The following XIRP2 variants were observed in gnomAD, a reference collection of about 807,000 sequenced individuals.
The protein encoded by XIRP2 is xin actin binding repeat containing 2.
In XIRP2, 236 loss-of-function variants were observed where a neutral mutation model predicts 277.0. That is an observed-to-expected ratio of 0.85 (90% CI 0.77 to 0.95). The LOEUF is 0.95. XIRP2 is among the 40% of genes least tolerant of loss of function. The pLI is 0.00. For missense variants in XIRP2, 4,640 were observed against 4,157.5 expected (o/e 1.12, Z -3.19); for synonymous variants, 1,490 against 1,416.5 (o/e 1.05, Z -1.17).
At chr2:166,937,188 C>T (rs1309190073) in intron 2 of XIRP2, among the ~76,000 whole-genome samples, 1 of 152,178 alleles carries the variant, frequency 6.6e-6, no homozygotes, top group East Asian at 1.9e-4. Flanking sequence ...GGGAATGCTT[C>T]CAGTTTTTTC....
intron 2 of XIRP2, among the ~76,000 whole-genome samples, chr2:166,977,323 G>A (rs544305781): frequency 2.0e-5 from 3 of 151,992 alleles, no homozygotes; most frequent in East Asian, 1.9e-4. Flanking sequence ...ACCCATTCTC[G>A]CAGTCAGCAT....
At chr2:166,973,212 G>A (rs758831035) in intron 2 of XIRP2, among the ~76,000 whole-genome samples, 32 of 152,194 alleles carry the variant, frequency 2.1e-4, no homozygotes, top group Non-Finnish European at 4.0e-4. Flanking sequence ...GGATTTTAAG[G>A]AAGAAATATT....
intron 2 of XIRP2, among the ~76,000 whole-genome samples, chr2:166,910,170 T>G (rs1313558156): frequency 6.6e-6 from 1 of 152,210 alleles, no homozygotes; most frequent in Non-Finnish European, 1.5e-5. Context: ...TTGATTGGAA[T>G]AGTTTCAGAA....
intron 2 of XIRP2, among the ~76,000 whole-genome samples, chr2:167,134,223 G>A (rs115256321): frequency 0.015 from 2,203 of 150,578 alleles, 57 homozygotes; most frequent in African/African-American, 0.051. Context: ...GTATATTCAT[G>A]TGTATATGTA....
At chr2:167,034,526 G>C (rs1688457489) in intron 2 of XIRP2, among the ~76,000 whole-genome samples, 1 of 151,314 alleles carries the variant, frequency 6.6e-6, no homozygotes, top group African/African-American at 2.4e-5. Context: ...AAGACCCAGT[G>C]ATTTGTTGCC....
At chr2:167,144,544 G>GT (rs1691812663) in intron 3 of XIRP2, among the ~76,000 whole-genome samples, 1 of 151,646 alleles carries the variant, frequency 6.6e-6, no homozygotes, top group African/African-American at 2.4e-5. Context: ...TCTGTTAATT[G>GT]TTTTGTTTAA....
Position 167,248,369 on chromosome 2 carries a change from T to G in XIRP2, c.6977T>G (p.Leu2326Arg), listed in dbSNP as rs1317090857. ...LMMFPEKNGF[L>R]PSLSTEKIKA... ...ATGTTTCCTGAAAAAAATGGGTTTCTTCCCTCACTGTCCACAGAGAAGATA... is the reference window on the plus strand; with the variant it reads ...ATGTTTCCTGAAAAAAATGGGTTTCGTCCCTCACTGTCCACAGAGAAGATA... The change falls in exon 9 of 11, where the codon CTT (leucine) becomes CGT (arginine). Residue 2326 changes from leucine (L) to arginine (R), a missense_variant. Transcript: ENST00000409195. 6.2e-7 allele frequency: 1 copy of G among 1,613,736 alleles called. No homozygotes were observed. The highest frequency in any genetic ancestry group is 8.5e-7 in the Non-Finnish European group (1 of 1,179,806).
intron 2 of XIRP2, among the ~76,000 whole-genome samples, chr2:167,084,551 G>A (rs1466467107): frequency 6.6e-6 from 1 of 151,646 alleles, no homozygotes; most frequent in East Asian, 1.9e-4. Flanking sequence ...GTAGAATTCG[G>A]CTGTGAATCC....
chr2:167,228,784 G>A (rs973164156), intron 5 of XIRP2, among the ~76,000 whole-genome samples: 1 of 152,036 alleles, frequency 6.6e-6, no homozygotes, highest in Non-Finnish European at 1.5e-5. Flanking sequence ...TCCAAAATAG[G>A]ATTTGTAGGA....
intron 2 of XIRP2, among the ~76,000 whole-genome samples, chr2:167,063,994 T>C (rs1171828234): frequency 6.6e-6 from 1 of 151,774 alleles, no homozygotes; most frequent in Non-Finnish European, 1.5e-5. Flanking sequence ...CAATTTTTCC[T>C]GCTTGCTGTG....
intron 2 of XIRP2, among the ~76,000 whole-genome samples, chr2:166,935,352 A>G (rs996358078): frequency 1.3e-5 from 2 of 152,240 alleles, no homozygotes; most frequent in African/African-American, 4.8e-5. Flanking sequence ...AATTTGAGAT[A>G]GAAGTACAGA....
chr2:167,129,963 G>C (rs1574280745), intron 2 of XIRP2, among the ~76,000 whole-genome samples: 1 of 151,792 alleles, frequency 6.6e-6, no homozygotes, highest in African/African-American at 2.4e-5. Context: ...GTTTTGAAGA[G>C]TCATAAAACT....
At chr2:166,961,559 G>T (rs1686297238) in intron 2 of XIRP2, among the ~76,000 whole-genome samples, 1 of 151,706 alleles carries the variant, frequency 6.6e-6, no homozygotes, top group African/African-American at 2.4e-5. Flanking sequence ...AGTGCTATGT[G>T]TGACAATAGT....
At chr2:167,012,202 C>T (rs539243915) in intron 2 of XIRP2, among the ~76,000 whole-genome samples, 1 of 151,984 alleles carries the variant, frequency 6.6e-6, no homozygotes, top group South Asian at 2.1e-4. Context: ...GCATTTAGTG[C>T]TATAAATTTT....
chr2:167,023,382 A>C (rs996734560), intron 2 of XIRP2, among the ~76,000 whole-genome samples: 1 of 151,790 alleles, frequency 6.6e-6, no homozygotes, highest in Non-Finnish European at 1.5e-5. Context: ...TAGGTTGCAA[A>C]AATTTTCTCC....
chr2:167,207,771 A>C (rs963949661), intron 3 of XIRP2, among the ~76,000 whole-genome samples: 3 of 152,174 alleles, frequency 2.0e-5, no homozygotes, highest in African/African-American at 7.2e-5. Context: ...ATGACTTTTT[A>C]TATTATATTG....
At chr2:167,211,616 G>A (rs1482968015) in intron 4 of XIRP2, among the ~76,000 whole-genome samples, 1 of 152,128 alleles carries the variant, frequency 6.6e-6, no homozygotes, top group East Asian at 1.9e-4. Context: ...AATAACATGG[G>A]TTTGCACGCC....
rs988654705 is a variant in XIRP2 at position 167,031,809 on chromosome 2, C to T, written c.409-104100C>T. Among the ~76,000 whole-genome samples the T allele has an allele frequency of 4.6e-5, 7 of 152,130 alleles. No individual in the cohort carries two copies. The South Asian group carries it at 1.5e-3, about 32-fold the overall frequency. ...CTGCTCAATGAAATAAGAGAGGACA[C>T]AAACAAATGGAAAAAAATTCCATGC... On this transcript the variant is annotated intron_variant, in intron 2 of 10. Transcript: ENST00000409195.
chr2:167,242,544 AG>A, intron 8 of XIRP2, 24 bp from the exon 9 acceptor site: 1 of 1,584,514 alleles, frequency 6.3e-7, no homozygotes, highest in East Asian at 2.2e-5. Context: ...CACCTTTATA[AG>A]ATTTGATTTT....
Sources: allele counts gnomAD v4.1 joint callset (sites outside exome capture counted in the v4.1 genomes callset), GRCh38; gene constraint gnomAD v4.1.1; transcripts MANE v1.5; gene names NCBI Gene and HGNC (gene_info 2026-07-23, HGNC 2026-07-21).